ARHGAP10: variants seen among roughly 807,000 people sequenced by gnomAD.
The protein encoded by ARHGAP10 is rho GTPase-activating protein 10.
In ARHGAP10, 87 loss-of-function variants were observed where a neutral mutation model predicts 108.6. That is an observed-to-expected ratio of 0.80 (90% CI 0.67 to 0.96). The LOEUF is 0.96. ARHGAP10 is among the 40% of genes least tolerant of loss of function. The pLI is 0.00. For synonymous variants in ARHGAP10, 347 were observed against 341.1 expected (o/e 1.02, Z -0.19); for missense variants, 939 against 954.5 (o/e 0.98, Z 0.21).
chr4:148,066,370 A>C (rs933526548), intron 22 of ARHGAP10, among the ~76,000 whole-genome samples: 1 of 152,236 alleles, frequency 6.6e-6, no homozygotes, highest in African/African-American at 2.4e-5. Context: ...CACACGGGGT[A>C]TAGGATACCT....
intron 15 of ARHGAP10, among the ~76,000 whole-genome samples, chr4:147,948,975 A>C (rs1738492253): frequency 6.6e-6 from 1 of 151,248 alleles, no homozygotes; most frequent in Admixed American, 6.6e-5. Flanking sequence ...CAAAAAAAAA[A>C]AAACAAAAAA....
At chr4:147,758,560 G>C (rs1189416520) in intron 1 of ARHGAP10, among the ~76,000 whole-genome samples, 2 of 152,122 alleles carry the variant, frequency 1.3e-5, no homozygotes, top group African/African-American at 4.8e-5. Flanking sequence ...GTTGCTCAGG[G>C]AGGCCTTTCT....
At chr4:148,046,200 A>G (rs1003831057) in intron 19 of ARHGAP10, among the ~76,000 whole-genome samples, 2 of 152,230 alleles carry the variant, frequency 1.3e-5, no homozygotes, top group Admixed American at 6.5e-5. Flanking sequence ...CCCACAATGT[A>G]TACAAATATT....
chr4:147,765,889 C>T (rs939214262), intron 1 of ARHGAP10, among the ~76,000 whole-genome samples: 2 of 152,188 alleles, frequency 1.3e-5, no homozygotes, highest in African/African-American at 4.8e-5. Flanking sequence ...TTTGGAGATA[C>T]ACAATGCTGT....
rs1384946833 is a variant in ARHGAP10, at chr4:148,043,744, A to ATG, written c.1868-3146_1868-3145dup. 7.1e-3 allele frequency among the ~76,000 whole-genome samples: 969 copies of ATG among 136,212 alleles called. 12 individuals are homozygous for ATG. The highest frequency in any genetic ancestry group is 0.027 in the African/African-American group (925 of 34,082). The allele number at this position is 136,212 out of a possible 152,430, so 89.4% of individuals were successfully genotyped here. A position where few individuals can be genotyped will look rare whatever the true frequency, so the allele number is the denominator to read the frequency against. ...TTTTCATATATATATGTGTATATAT[A>ATG]TGTATATATGTATATATATGTGTAT... is the stretch of plus-strand genomic sequence containing the variant. On this transcript the variant is annotated intron_variant, in intron 19 of 22. Transcript: ENST00000336498.
intron 13 of ARHGAP10, among the ~76,000 whole-genome samples, chr4:147,935,782 G>C (rs1031392741): frequency 5.9e-5 from 9 of 152,170 alleles, no homozygotes; most frequent in Admixed American, 3.9e-4. Flanking sequence ...AACAAGACTT[G>C]AGTGTATGTA....
chr4:147,929,130 G>A (rs1737573352), intron 13 of ARHGAP10, among the ~76,000 whole-genome samples: 1 of 152,190 alleles, frequency 6.6e-6, no homozygotes, highest in South Asian at 2.1e-4. Context: ...GGTCCAGAAA[G>A]TTTAAAATGT....
intron 1 of ARHGAP10, among the ~76,000 whole-genome samples, chr4:147,819,689 G>A (rs1732402529): frequency 6.6e-6 from 1 of 152,112 alleles, no homozygotes; most frequent in South Asian, 2.1e-4. Context: ...CTCCTGAGTA[G>A]CTGGGACTAC....
chr4:147,955,981 C>G (rs1300032440), intron 16 of ARHGAP10, among the ~76,000 whole-genome samples: 1 of 152,052 alleles, frequency 6.6e-6, no homozygotes, highest in African/African-American at 2.4e-5. Context: ...GCTTTGTTTT[C>G]TGTTATATGG....
intron 8 of ARHGAP10, among the ~76,000 whole-genome samples, chr4:147,877,819 C>CTTTATTTTTTTTTTTTTTTTTTTTT (rs1735135844): frequency 7.6e-6 from 1 of 131,500 alleles, no homozygotes; most frequent in African/African-American, 3.1e-5. Flanking sequence ...ATTCTTCATA[C>CTTTATTTTTTTTTTTTTTTTTTTTT]TTTTTTTTTT....
intron 9 of ARHGAP10, among the ~76,000 whole-genome samples, chr4:147,879,831 C>CT (rs1735254693): frequency 6.6e-6 from 1 of 152,204 alleles, no homozygotes; most frequent in East Asian, 1.9e-4. Flanking sequence ...CAATAGAATC[C>CT]TTTTTATGCC....
chr4:147,761,313 G>A (rs886155118), intron 1 of ARHGAP10, among the ~76,000 whole-genome samples: 28 of 152,138 alleles, frequency 1.8e-4, no homozygotes, highest in Non-Finnish European at 4.0e-4. Flanking sequence ...CACTGCACCC[G>A]GCGTAATCTC....
At chr4:147,840,931 A>G (rs1733388204) in intron 3 of ARHGAP10, among the ~76,000 whole-genome samples, 1 of 152,216 alleles carries the variant, frequency 6.6e-6, no homozygotes, top group African/African-American at 2.4e-5. Flanking sequence ...TTGCCATGAT[A>G]CTCAAGATGA....
intron 20 of ARHGAP10, among the ~76,000 whole-genome samples, chr4:148,060,910 T>G (rs1291675257): frequency 6.6e-6 from 1 of 152,158 alleles, no homozygotes; most frequent in Non-Finnish European, 1.5e-5. Context: ...AACTTGACCC[T>G]GGACAAGGAC....
intron 3 of ARHGAP10, among the ~76,000 whole-genome samples, chr4:147,837,732 T>G (rs1733237132): frequency 7.0e-6 from 1 of 142,776 alleles, no homozygotes. Flanking sequence ...CTAGGTGTCA[T>G]TACCTTACTG....
At position 147,959,233 on chromosome 4, in the gene ARHGAP10, A is replaced by AT. The variant is rs201782289; in HGVS notation, c.1450+3870dup. Among the ~76,000 whole-genome samples the AT allele has an allele frequency of 1.7e-3, 246 of 146,910 alleles. 2 individuals carry two copies. The East Asian group carries it at 0.023, about 14-fold the overall frequency. On this transcript the variant is annotated intron_variant, in intron 16 of 22. Transcript: ENST00000336498. ...TGGTTTTATTTAAAAAGCCCAGAGTATTTTTTTTTTTGTTTTTGAAGAAGA... is the reference window on the plus strand; with the variant it reads ...TGGTTTTATTTAAAAAGCCCAGAGTATTTTTTTTTTTTGTTTTTGAAGAAGA...
At chr4:147,892,383 A>G (rs376184015) in intron 10 of ARHGAP10, among the ~76,000 whole-genome samples, 2 of 152,340 alleles carry the variant, frequency 1.3e-5, no homozygotes, top group East Asian at 1.9e-4. Flanking sequence ...TAACTGTACT[A>G]ATATTTGTAA....
At chr4:147,841,076 C>T (rs1733395271) in intron 3 of ARHGAP10, among the ~76,000 whole-genome samples, 1 of 152,342 alleles carries the variant, frequency 6.6e-6, no homozygotes, top group Admixed American at 6.5e-5. Flanking sequence ...TTTTGTGCTA[C>T]CACAGCAGAG....
chr4:147,965,176 T>A (rs781512549), intron 17 of ARHGAP10, 47 bp downstream of exon 17: 1 of 1,442,370 alleles, frequency 6.9e-7, no homozygotes, highest in African/African-American at 1.4e-5. Context: ...TTGCTCTAGG[T>A]GCTGGGTAGT....
Sources: allele counts gnomAD v4.1 joint callset (sites outside exome capture counted in the v4.1 genomes callset), GRCh38; gene constraint gnomAD v4.1.1; transcripts MANE v1.5; gene names NCBI Gene and HGNC (gene_info 2026-07-23, HGNC 2026-07-21).